Variants in ADGRB3 observed in about 807,000 individuals in gnomAD.
The protein encoded by ADGRB3 is adhesion G protein-coupled receptor B3.
ADGRB3 carries 37 observed loss-of-function variants against 193.4 expected under a neutral mutation model. The ratio of observed to expected loss-of-function variants is 0.19; its 90% CI spans 0.15 to 0.25. The LOEUF is 0.25. Among genes scored for constraint, ADGRB3 ranks in the 10% least tolerant of loss-of-function variants. The probability of loss-of-function intolerance (pLI) is 1.00; values close to 1 mark genes in which losing one functional copy is unlikely to be tolerated. For missense variants in ADGRB3, 1,637 were observed against 1,852.9 expected (o/e 0.88, Z 2.14); for synonymous variants, 690 against 644.2 (o/e 1.07, Z -1.08).
At chr6:68,844,678 C>A (rs1422896083) in intron 3 of ADGRB3, among the ~76,000 whole-genome samples, 1 of 152,106 alleles carries the variant, frequency 6.6e-6, no homozygotes, top group Non-Finnish European at 1.5e-5. Context: ...ATGTTTATTG[C>A]ATTACTCTTC....
At chr6:68,979,036 A>AGTT (rs1768831262) in intron 10 of ADGRB3, among the ~76,000 whole-genome samples, 1 of 151,336 alleles carries the variant, frequency 6.6e-6, no homozygotes, top group Admixed American at 6.6e-5. Context: ...ATTATAAACC[A>AGTT]GTTGAGGTAA....
intron 17 of ADGRB3, among the ~76,000 whole-genome samples, chr6:69,146,402 C>T (rs993367638): frequency 1.3e-5 from 2 of 152,222 alleles, no homozygotes; most frequent in Admixed American, 1.3e-4. Context: ...GAAGGCCTTC[C>T]TGGGTCTCTG....
At chr6:68,886,575 A>G (rs1765913397) in intron 3 of ADGRB3, among the ~76,000 whole-genome samples, 9 of 152,088 alleles carry the variant, frequency 5.9e-5, no homozygotes, top group Admixed American at 5.9e-4. Context: ...TCCAACCAGA[A>G]TATTGTCTTG....
intron 3 of ADGRB3, among the ~76,000 whole-genome samples, chr6:68,741,008 C>A (rs1765970291): frequency 6.6e-6 from 1 of 152,060 alleles, no homozygotes; most frequent in African/African-American, 2.4e-5. Context: ...GGAAAGGAAG[C>A]AGAAGAATAC....
intron 17 of ADGRB3, among the ~76,000 whole-genome samples, chr6:69,100,086 T>C (rs1772989369): frequency 6.6e-6 from 1 of 152,228 alleles, no homozygotes; most frequent in Non-Finnish European, 1.5e-5. Flanking sequence ...GTATTTCCTA[T>C]GAAAAACAAC....
chr6:69,203,823 A>G (rs1356277060), intron 17 of ADGRB3, among the ~76,000 whole-genome samples: 1 of 152,198 alleles, frequency 6.6e-6, no homozygotes, highest in Non-Finnish European at 1.5e-5. Context: ...TCAATTGGCC[A>G]CTAAAATTTC....
chr6:69,073,279 G>T (rs1486084209), intron 16 of ADGRB3, among the ~76,000 whole-genome samples: 2 of 152,112 alleles, frequency 1.3e-5, no homozygotes, highest in Non-Finnish European at 1.5e-5. Flanking sequence ...GGCAGAAGCT[G>T]CAGGGAGGTA....
At chr6:69,282,136 C>G (rs1293303630) in intron 20 of ADGRB3, among the ~76,000 whole-genome samples, 2 of 152,146 alleles carry the variant, frequency 1.3e-5, no homozygotes, top group African/African-American at 4.8e-5. Flanking sequence ...ACATCCCACT[C>G]TGTTTTCTCA....
intron 11 of ADGRB3, among the ~76,000 whole-genome samples, chr6:69,013,292 C>T (rs1211900009): frequency 6.6e-6 from 1 of 152,056 alleles, no homozygotes; most frequent in African/African-American, 2.4e-5. Context: ...AATGACCTTC[C>T]TGCATGAAAG....
chr6:69,062,875 T>C, intron 15 of ADGRB3, 59 bp from the exon 16 acceptor site: 1 of 1,230,812 alleles, frequency 8.1e-7, no homozygotes, highest in Non-Finnish European at 1.2e-6. Context: ...TATTGAGCAG[T>C]AGGAATTTAT....
chr6:68,951,519 A>G (rs373201519), intron 6 of ADGRB3, among the ~76,000 whole-genome samples: 1 of 152,140 alleles, frequency 6.6e-6, no homozygotes, highest in African/African-American at 2.4e-5. Flanking sequence ...GCCAGTCCTT[A>G]TCACCACAGC....
intron 4 of ADGRB3, 89 bp from the exon 5 acceptor site, chr6:68,936,430 C>A: frequency 8.0e-7 from 1 of 1,243,926 alleles, no homozygotes; most frequent in Non-Finnish European, 1.1e-6. Context: ...TTAAATTATT[C>A]TTGCATGTCA....
chr6:69,031,066 CTT>C (rs1446516054), intron 13 of ADGRB3, among the ~76,000 whole-genome samples: 513 of 44,278 alleles, frequency 0.012, 80 homozygotes, highest in Non-Finnish European at 0.023. Flanking sequence ...CTTCTCTTCT[CTT>C]CTCTTCTCTT....
At chr6:68,695,812 C>A (rs1765147452) in intron 3 of ADGRB3, among the ~76,000 whole-genome samples, 1 of 151,840 alleles carries the variant, frequency 6.6e-6, no homozygotes, top group Non-Finnish European at 1.5e-5. Context: ...GATGACTGAG[C>A]CCAAATAGAC....
At chr6:68,862,636 A>G (rs1046058960) in intron 3 of ADGRB3, among the ~76,000 whole-genome samples, 10 of 152,152 alleles carry the variant, frequency 6.6e-5, no homozygotes, top group Admixed American at 3.3e-4. Context: ...ACTTAGTTTT[A>G]TGTATTAAAT....
intron 20 of ADGRB3, among the ~76,000 whole-genome samples, chr6:69,283,766 C>T (rs2127287773): frequency 6.6e-6 from 1 of 152,194 alleles, no homozygotes; most frequent in Admixed American, 6.5e-5. Context: ...GATATGCAAT[C>T]AAATAGATTT....
intron 8 of ADGRB3, among the ~76,000 whole-genome samples, chr6:68,968,130 A>G (rs915308434): frequency 2.0e-5 from 3 of 152,106 alleles, no homozygotes; most frequent in Admixed American, 1.3e-4. Context: ...GCCTTAAAAA[A>G]AAAATGAAGC....
At chr6:69,279,325 G>A (rs1767380086) in intron 20 of ADGRB3, among the ~76,000 whole-genome samples, 1 of 151,708 alleles carries the variant, frequency 6.6e-6, no homozygotes, top group Admixed American at 6.6e-5. Context: ...TATCAGTTGT[G>A]ATCATGTGGC....
intron 17 of ADGRB3, among the ~76,000 whole-genome samples, chr6:69,088,451 C>T (rs1311140130): frequency 6.6e-6 from 1 of 152,166 alleles, no homozygotes; most frequent in Non-Finnish European, 1.5e-5. Flanking sequence ...CAGCTCACTA[C>T]AACTTCTACC....
Sources: allele counts gnomAD v4.1 joint callset (sites outside exome capture counted in the v4.1 genomes callset), GRCh38; gene constraint gnomAD v4.1.1; transcripts MANE v1.5; gene names NCBI Gene and HGNC (gene_info 2026-07-23, HGNC 2026-07-21).